The following PTPRS variants were observed in gnomAD, a reference collection of about 807,000 sequenced individuals.
PTPRS encodes the protein protein tyrosine phosphatase receptor type S, also known as receptor-type tyrosine-protein phosphatase S.
A neutral mutation model predicts 215.3 loss-of-function variants in PTPRS; 63 were observed. That is an observed-to-expected ratio of 0.29 (90% confidence interval 0.24 to 0.36). The LOEUF is 0.36. PTPRS is among the 10% of genes least tolerant of loss of function. The pLI, the probability that PTPRS is intolerant of heterozygous loss-of-function variation, is 1.00. For missense variants in PTPRS, 2,258 were observed against 2,825.8 expected (o/e 0.80, Z 4.56); for synonymous variants, 1,404 against 1,191.4 (o/e 1.18, Z -3.68).
chr19:5,214,521 G>T (rs1424012387), intron 29 of PTPRS, 40 bp downstream of exon 29: 1 of 1,612,596 alleles, frequency 6.2e-7, no homozygotes, highest in Non-Finnish European at 8.5e-7. Flanking sequence ...GGGACAGGCT[G>T]ACTGGCAGGG....
Position 5,210,374 on chromosome 19 carries a change from C to CTAACCCTTGGCCT in PTPRS, c.5487+82_5487+94dup. 5 of 1,546,960 alleles carry CTAACCCTTGGCCT rather than the reference C, an allele frequency of 3.2e-6. No individual in the cohort carries two copies. The highest frequency in any genetic ancestry group is 4.4e-6 in the Non-Finnish European group (5 of 1,131,104). On this transcript the variant is annotated intron_variant, in intron 35 of 37. Transcript: ENST00000262963. This position sits in a 1 kb window ranked among gnomAD's most constrained non-coding sequence, Gnocchi z 4.5. ...TTCTCCTGATTCCCAATGCTTATGC[C>CTAACCCTTGGCCT]TAACCCTTGGCCTTTGTATCCATCA...
At chr19:5,229,427 G>C in intron 15 of PTPRS, 64 bp downstream of exon 15, 1 of 1,361,776 alleles carries the variant, frequency 7.3e-7, no homozygotes, top group Non-Finnish European at 9.5e-7. Context: ...CAGAGGTGGG[G>C]GGAGCGCAAG....
chr19:5,223,428 T>G, intron 17 of PTPRS, 131 bp from the exon 18 acceptor site: 9 of 1,142,456 alleles, frequency 7.9e-6, no homozygotes, highest in East Asian at 3.1e-5. Flanking sequence ...TCTTACTCTG[T>G]TGCCCAGCCT....
At chr19:5,218,956 TC>T (rs1285521889) in intron 23 of PTPRS, 158 bp from the exon 24 acceptor site, 22 of 783,786 alleles carry the variant, frequency 2.8e-5, no homozygotes, top group Middle Eastern at 2.3e-4. Context: ...TTCCTGTTTG[TC>T]CCCCTGCCTA....
Position 5,216,751 on chromosome 19 carries a change from G to A in PTPRS, c.4065C>T (p.Ser1355=). The A allele has an allele frequency of 1.3e-6, 2 of 1,576,712 alleles. No homozygotes were observed. The highest frequency in any genetic ancestry group is 8.6e-7 in the Non-Finnish European group (1 of 1,160,260). The change falls in exon 26 of 38, where the codon AGC becomes AGT. Residue 1355 remains serine, a synonymous_variant. Transcript: ENST00000262963. The part of the protein sequence containing the change: ...NFQTPDSGLR[S]PLREPGFHFE... ...AGTGAAACCCCGGCTCCCTGAGGGG[G>A]CTCCTGAGGCCTGAATCTGCAAACA...
At chr19:5,267,896 A>C (rs951341925) in intron 4 of PTPRS, among the ~76,000 whole-genome samples, 1 of 151,982 alleles carries the variant, frequency 6.6e-6, no homozygotes, top group East Asian at 1.9e-4. Context: ...TCAGCCGGGC[A>C]CAGTGGGTCA....
Position 5,206,060 on chromosome 19 carries a change from T to TAAAAAAAAAAA in PTPRS, c.*703_*713dup, listed in dbSNP as rs545658474. Among the ~76,000 whole-genome samples, 1 of 70,264 alleles carries TAAAAAAAAAAA rather than the reference T, an allele frequency of 1.4e-5. No homozygotes were observed. 46.1% of individuals were successfully genotyped at this position (70,264 alleles called of 152,430 possible). A position where few individuals can be genotyped will look rare whatever the true frequency, so the allele number is the denominator to read the frequency against. The stretch of plus-strand genomic sequence containing the variant: ...CACACTTTCTGATGGTAGGAAAAAT[T>TAAAAAAAAAAA]AAAAAAAAAAAAAAAAAAAAAAAAG... On this transcript the variant is annotated 3_prime_UTR_variant, in exon 38 of 38. Coordinates refer to ENST00000262963, the MANE Select transcript of PTPRS (RefSeq NM_002850.4).
At chr19:5,309,336 T>C (rs75122810) in intron 1 of PTPRS, among the ~76,000 whole-genome samples, 14,555 of 152,250 alleles carry the variant, frequency 0.096, 888 homozygotes, top group Non-Finnish European at 0.15. Context: ...GCCCCAAGTG[T>C]GTAGCCCACA....
chr19:5,329,028 G>C (rs1437249305), intron 1 of PTPRS, among the ~76,000 whole-genome samples: 1 of 152,212 alleles, frequency 6.6e-6, no homozygotes, highest in Non-Finnish European at 1.5e-5. Context: ...TGGAGGGGCG[G>C]GTGAGGTGTG....
At chr19:5,274,065 G>A (rs1015543315) in intron 3 of PTPRS, 134 bp downstream of exon 3, 30 of 1,270,264 alleles carry the variant, frequency 2.4e-5, no homozygotes, top group African/African-American at 1.6e-4. Flanking sequence ...TGGAGGCTGC[G>A]CAGCCATGCT....
intron 18 of PTPRS, among the ~76,000 whole-genome samples, 171 bp from the exon 19 acceptor site, chr19:5,222,391 T>C (rs2042059515): frequency 1.3e-5 from 2 of 149,088 alleles, no homozygotes; most frequent in Admixed American, 6.7e-5. Context: ...TGCCCTGTCC[T>C]GTCCCAAGTC....
At chr19:5,219,100 G>A (rs943183563) in intron 23 of PTPRS, 2 of 699,380 alleles carry the variant, frequency 2.9e-6, no homozygotes, top group South Asian at 3.8e-5. Context: ...GGGTTAAGAG[G>A]AGAAGCCAAG....
intron 11 of PTPRS, among the ~76,000 whole-genome samples, chr19:5,240,959 G>A (rs1448361375): frequency 5.1e-5 from 7 of 138,064 alleles, no homozygotes; most frequent in South Asian, 4.7e-4. Context: ...GCACGATCTC[G>A]GCTCACTGCA....
intron 18 of PTPRS, 90 bp from the exon 19 acceptor site, chr19:5,222,310 G>A: frequency 2.8e-6 from 3 of 1,081,278 alleles, no homozygotes; most frequent in Admixed American, 1.8e-5. Context: ...GTGGGGTGGG[G>A]CGGCCCAGGC....
chr19:5,317,823 C>T (rs991118765), intron 1 of PTPRS, among the ~76,000 whole-genome samples: 5 of 151,954 alleles, frequency 3.3e-5, no homozygotes, highest in African/African-American at 1.2e-4. Flanking sequence ...ATCACCTGCA[C>T]TCAGGAGTTC....
Position 5,338,329 on chromosome 19 carries a change from G to C in PTPRS, c.-95+2335C>G, listed in dbSNP as rs2050572463. Among the ~76,000 whole-genome samples the C allele has an allele frequency of 6.6e-6, 1 of 152,166 alleles. No homozygotes were observed. Among genetic ancestry groups the C allele is most frequent in the African/African-American group, 2.4e-5 (1 of 41,456 alleles). On this transcript the variant is annotated intron_variant, in intron 1 of 37. Transcript: ENST00000262963. The surrounding 1 kb of genome is among the most constrained non-coding windows in gnomAD (Gnocchi z 4.2). ...AACTCTCAGGATGATGGAGTATGGC[G>C]GGCGGTGGCCCCCAGGGGGCTGGGA...
At chr19:5,316,259 T>C (rs1372165623) in intron 1 of PTPRS, among the ~76,000 whole-genome samples, 1 of 152,180 alleles carries the variant, frequency 6.6e-6, no homozygotes, top group East Asian at 1.9e-4. Context: ...AACACTTTTC[T>C]TTCCTGAACT....
intron 1 of PTPRS, among the ~76,000 whole-genome samples, chr19:5,329,027 G>A (rs7251565): frequency 0.29 from 44,419 of 152,122 alleles, 7,050 homozygotes; most frequent in African/African-American, 0.42. Flanking sequence ...CTGGAGGGGC[G>A]GGTGAGGTGT....
intron 23 of PTPRS, 163 bp downstream of exon 23, chr19:5,219,147 C>T: frequency 2.1e-6 from 2 of 951,976 alleles, no homozygotes; most frequent in South Asian, 3.4e-5. Context: ...CTGCCATTCC[C>T]ATGCTGTGTG....
Sources: allele counts gnomAD v4.1 joint callset (sites outside exome capture counted in the v4.1 genomes callset), GRCh38; gene constraint gnomAD v4.1.1; non-coding constraint Gnocchi (gnomAD v3.1); transcripts MANE v1.5; gene names NCBI Gene and HGNC (gene_info 2026-07-23, HGNC 2026-07-21).